The following SLC4A4 variants were observed in gnomAD, a reference collection of about 807,000 sequenced individuals.
SLC4A4 encodes the protein electrogenic sodium bicarbonate cotransporter 1.
In SLC4A4, 27 loss-of-function variants were observed where a neutral mutation model predicts 111.5. That is an observed-to-expected ratio of 0.24 (90% CI 0.18 to 0.33). SLC4A4 has a LOEUF of 0.33. Ranked by LOEUF, SLC4A4 falls within the 10% of genes least tolerant of loss-of-function variation. The pLI, the probability that SLC4A4 is intolerant of heterozygous loss-of-function variation, is 1.00. For missense variants in SLC4A4, 909 were observed against 1,315.5 expected (o/e 0.69, Z 4.78); for synonymous variants, 443 against 463.4 (o/e 0.96, Z 0.57).
chr4:71,489,185 A>G (rs1296539384), intron 15 of SLC4A4, among the ~76,000 whole-genome samples: 1 of 151,766 alleles, frequency 6.6e-6, no homozygotes, highest in African/African-American at 2.4e-5. Context: ...TATTTTATAG[A>G]TGAAACAGAG....
intron 1 of SLC4A4, among the ~76,000 whole-genome samples, chr4:71,206,620 A>G (rs1281920704): frequency 1.3e-5 from 2 of 152,124 alleles, no homozygotes; most frequent in African/African-American, 4.8e-5. Flanking sequence ...TGCTTTATGA[A>G]TATATATTAG....
chr4:71,420,699 G>T (rs1722366881), intron 7 of SLC4A4, among the ~76,000 whole-genome samples: 1 of 150,602 alleles, frequency 6.6e-6, no homozygotes, highest in Non-Finnish European at 1.5e-5. Context: ...TTAAAGAAAA[G>T]AATTTTCAAC....
chr4:71,357,323 T>G (rs1335678135), intron 6 of SLC4A4, 136 bp downstream of exon 6: 2 of 862,542 alleles, frequency 2.3e-6, no homozygotes, highest in Non-Finnish European at 3.7e-6. Context: ...TCATTTCATA[T>G]TGACATTTTT....
intron 3 of SLC4A4, among the ~76,000 whole-genome samples, chr4:71,318,295 T>A (rs1011403122): frequency 1.3e-5 from 2 of 152,068 alleles, no homozygotes; most frequent in East Asian, 3.9e-4. Flanking sequence ...GATTTCAGCA[T>A]GTAAAAGGAT....
chr4:71,316,907 A>C (rs920948121), intron 3 of SLC4A4, among the ~76,000 whole-genome samples: 8 of 151,946 alleles, frequency 5.3e-5, no homozygotes, highest in African/African-American at 1.7e-4. Context: ...TTTTTTAAAG[A>C]GATAGAATCT....
intron 6 of SLC4A4, among the ~76,000 whole-genome samples, chr4:71,396,765 G>A (rs192377442): frequency 1.3e-5 from 2 of 152,200 alleles, no homozygotes; most frequent in African/African-American, 4.8e-5. Flanking sequence ...CTCTCTATTT[G>A]TGTATGATAG....
At chr4:71,357,215 T>G (rs185763277) in intron 6 of SLC4A4, 28 bp downstream of exon 6, 6 of 1,598,674 alleles carry the variant, frequency 3.8e-6, no homozygotes, top group Non-Finnish European at 5.1e-6. Context: ...TGGCTGCTGC[T>G]TTCTCTTACT....
chr4:71,375,678 G>A (rs767075340), intron 6 of SLC4A4, among the ~76,000 whole-genome samples: 16 of 152,120 alleles, frequency 1.1e-4, no homozygotes, highest in Non-Finnish European at 2.1e-4. Flanking sequence ...GCAGGAATGT[G>A]TCTGATTCAT....
intron 3 of SLC4A4, among the ~76,000 whole-genome samples, chr4:71,326,553 T>C (rs1727517894): frequency 6.6e-6 from 1 of 152,058 alleles, no homozygotes. Context: ...ATGGAGATAG[T>C]AATACAATCT....
At chr4:71,517,010 T>C (rs1367653967) in intron 16 of SLC4A4, among the ~76,000 whole-genome samples, 1 of 152,222 alleles carries the variant, frequency 6.6e-6, no homozygotes, top group Non-Finnish European at 1.5e-5. Context: ...TTCTTTTCTC[T>C]TGCTGCTTCA....
intron 18 of SLC4A4, among the ~76,000 whole-genome samples, chr4:71,537,676 A>G (rs542172617): frequency 3.4e-4 from 51 of 151,132 alleles, no homozygotes; most frequent in Non-Finnish European, 6.6e-4. Flanking sequence ...TGAGAGAGGC[A>G]TGTGTTCCCA....
intron 6 of SLC4A4, 65 bp downstream of exon 6, chr4:71,357,252 C>T (rs1730365836): frequency 6.7e-7 from 1 of 1,496,858 alleles, no homozygotes; most frequent in African/African-American, 1.4e-5. Flanking sequence ...ACACCGTCTC[C>T]TGTCATCTTT....
chr4:71,339,273 A>T (rs1345652564), intron 3 of SLC4A4, 97 bp from the exon 4 acceptor site: 2 of 1,614,168 alleles, frequency 1.2e-6, no homozygotes, highest in South Asian at 2.2e-5. Flanking sequence ...TGTGGAAGGG[A>T]AGCCCAGTAA....
intron 1 of SLC4A4, among the ~76,000 whole-genome samples, chr4:71,067,065 A>C (rs1741535745): frequency 6.6e-6 from 1 of 152,150 alleles, no homozygotes; most frequent in African/African-American, 2.4e-5. Flanking sequence ...AGAGGGCCAG[A>C]ACTAAGGAAA....
At chr4:71,280,686 A>AT (rs904916899) in intron 3 of SLC4A4, among the ~76,000 whole-genome samples, 16 of 151,988 alleles carry the variant, frequency 1.1e-4, no homozygotes, top group African/African-American at 3.6e-4. Flanking sequence ...TAGTTTATTG[A>AT]TTTTTTTCTT....
At position 71,450,419 on chromosome 4, in the gene SLC4A4, G is replaced by T. The variant is rs1206923428; in HGVS notation, c.1084G>T (p.Asp362Tyr). 2 of 1,612,524 alleles carry T rather than the reference G, an allele frequency of 1.2e-6. No individual in the cohort carries two copies. The highest frequency in any genetic ancestry group is 2.2e-5 in the East Asian group (1 of 44,832). Residue 362 changes from aspartate (D) to tyrosine (Y), a missense_variant, in exon 10 of 26, where the codon GAC becomes TAC. Around this residue, in one of 7 missense-constraint regions of SLC4A4, gnomAD observed 312 missense variants for 402.0 expected, o/e 0.78. Coordinates refer to ENST00000264485, the MANE Select transcript of SLC4A4 (RefSeq NM_001098484.3). ...CCATGACATTGCTTATAAAGCAAAA[G>T]ACAGGCACGACCTGATTGCTGGTAT... Reference protein sequence around the residue: ...VFHDIAYKAKDRHDLIAGIDE... With the variant: ...VFHDIAYKAKYRHDLIAGIDE...
At chr4:71,552,366 TACACACACACATAC>T (rs1331618477) in intron 20 of SLC4A4, among the ~76,000 whole-genome samples, 2 of 150,316 alleles carry the variant, frequency 1.3e-5, no homozygotes, top group Non-Finnish European at 1.5e-5. Context: ...CACACACACA[TACACACACACATAC>T]ACACACACAC....
At chr4:71,512,841 T>C (rs1221571326) in intron 16 of SLC4A4, among the ~76,000 whole-genome samples, 28 of 152,344 alleles carry the variant, frequency 1.8e-4, no homozygotes, top group Non-Finnish European at 5.9e-5. Flanking sequence ...GTTGTATTCT[T>C]CTGGATGTGG....
chr4:71,077,402 C>A (rs1267066337), intron 1 of SLC4A4, among the ~76,000 whole-genome samples: 2 of 152,090 alleles, frequency 1.3e-5, no homozygotes, highest in Non-Finnish European at 2.9e-5. Flanking sequence ...CTCAGGGGAT[C>A]CCTCCCACCT....
Sources: gnomAD v4.1 joint callset for allele counts (sites outside exome capture counted in the v4.1 genomes callset) on GRCh38, gnomAD v4.1.1 for gene constraint, gnomAD v4.1.1 regional missense constraint, MANE v1.5 for transcripts, NCBI Gene and HGNC (gene_info 2026-07-23, HGNC 2026-07-21) for gene names.